Variants in IRAK2 observed in about 807,000 individuals in gnomAD.
IRAK2 encodes interleukin-1 receptor-associated kinase-like 2.
Under a neutral mutation model 72.0 loss-of-function variants are expected in IRAK2, and 57 were observed. The observed-to-expected ratio is 0.79, with a 90% CI of 0.64 to 0.99. IRAK2 has a LOEUF of 0.99. Ranked by LOEUF, IRAK2 falls within the 50% of genes least tolerant of loss-of-function variation. The pLI, the probability that IRAK2 is intolerant of heterozygous loss-of-function variation, is 0.00. For synonymous variants in IRAK2, 293 were observed against 312.7 expected, an observed-to-expected ratio of 0.94 and a Z score of 0.67; for missense variants, 790 against 794.4, an observed-to-expected ratio of 0.99 and a Z score of 0.07.
chr3:10,216,838 G>A (rs1299454966), intron 6 of IRAK2, 96 bp from the exon 7 acceptor site: 12 of 892,952 alleles, frequency 1.3e-5, no homozygotes, highest in East Asian at 4.9e-5. Flanking sequence ...TATTGGTGGC[G>A]TTGGAGGAGG....
At chr3:10,166,604 A>C (rs947420663) in intron 1 of IRAK2, among the ~76,000 whole-genome samples, 16 of 147,472 alleles carry the variant, frequency 1.1e-4, no homozygotes, top group Non-Finnish European at 4.5e-5. Flanking sequence ...ACTGACACCT[A>C]AGTGTTAAAT....
At chr3:10,227,707 C>T (rs1697801704) in intron 10 of IRAK2, among the ~76,000 whole-genome samples, 1 of 147,276 alleles carries the variant, frequency 6.8e-6, no homozygotes, top group Non-Finnish European at 1.5e-5. Context: ...CTTGCTCTGT[C>T]GCCCAGGCTG....
At chr3:10,178,255 T>G (rs771752975) in intron 2 of IRAK2, among the ~76,000 whole-genome samples, 21 of 152,094 alleles carry the variant, frequency 1.4e-4, no homozygotes, top group Non-Finnish European at 2.6e-4. Flanking sequence ...GTCAGGAGTT[T>G]GAGACTGGCC....
In IRAK2 at chr3:10,238,914, C is replaced by A; in HGVS notation, c.1640C>A (p.Pro547His). 6.2e-7 allele frequency: 1 copy of A among 1,614,116 alleles called. No individual in the cohort carries two copies. Among genetic ancestry groups the A allele is most frequent in the Non-Finnish European group, 8.5e-7 (1 of 1,180,016 alleles). The change falls in exon 12 of 13, where the codon CCC (proline) becomes CAC (histidine). Residue 547 changes from proline to histidine, a missense_variant. Pro to His is a moderately conservative substitution (Grantham distance 77). Transcript: ENST00000256458. ...LDASSSMSVA[P>H]WAGAATPLLP... ...GCCTCCTCCTCCATGAGTGTGGCACCCTGGGCAGGGGCTGCCACCCCACTT... is the reference window on the plus strand; with the variant it reads ...GCCTCCTCCTCCATGAGTGTGGCACACTGGGCAGGGGCTGCCACCCCACTT...
chr3:10,238,843 C>T lies in IRAK2; in HGVS notation c.1569C>T (p.Ser523=), dbSNP rs1243678878. The T allele has an allele frequency of 6.2e-7, 1 of 1,613,974 alleles. No individual in the cohort carries two copies. Among genetic ancestry groups the T allele is most frequent in the East Asian group, 2.2e-5 (1 of 44,868 alleles). ...TTTCTGAGGGTACAGGCTCTTCTTC[C>T]AACACCCCAGAGGAAACAGACGACG... ...SGLSEGTGSS[S]NTPEETDDVD... Residue 523 remains serine (S), a synonymous_variant, in exon 12 of 13, where the codon TCC becomes TCT. Coordinates refer to ENST00000256458, the MANE Select transcript of IRAK2 (RefSeq NM_001570.4).
chr3:10,232,459 G>A (rs1032424645), intron 10 of IRAK2, among the ~76,000 whole-genome samples: 2 of 152,160 alleles, frequency 1.3e-5, no homozygotes, highest in East Asian at 1.9e-4. Flanking sequence ...TGCTAAGACC[G>A]ATCAGTGTGT....
intron 1 of IRAK2, among the ~76,000 whole-genome samples, chr3:10,171,105 C>G (rs73811839): frequency 6.6e-6 from 1 of 152,178 alleles, no homozygotes; most frequent in Non-Finnish European, 1.5e-5. Flanking sequence ...TTCTTGTCTC[C>G]GTGATGGCAG....
chr3:10,169,534 A>G (rs1400636238), intron 1 of IRAK2, among the ~76,000 whole-genome samples: 1 of 152,188 alleles, frequency 6.6e-6, no homozygotes, highest in Non-Finnish European at 1.5e-5. Context: ...ACGTCCATCT[A>G]TAGGCTCTCT....
intron 7 of IRAK2, 58 bp from the exon 8 acceptor site, chr3:10,219,622 T>C (rs1575982015): frequency 1.5e-6 from 2 of 1,352,584 alleles, no homozygotes; most frequent in South Asian, 1.2e-5. Flanking sequence ...CTGGCTGCCA[T>C]CAGGACTTTA....
Position 10,226,443 on chromosome 3 carries a change from C to G in IRAK2, c.1272+10C>G. ...AAGCCCGGTTTACCTGGTAAGGGAA[C>G]TTGTCACATCTGGCTGGGAGGTATA... is the stretch of plus-strand genomic sequence containing the variant. On this transcript the variant is annotated intron_variant, in intron 10 of 12. Coordinates refer to ENST00000256458, the MANE Select transcript of IRAK2 (RefSeq NM_001570.4). 6.2e-7 allele frequency: 1 copy of G among 1,610,840 alleles called. No homozygotes were observed. The highest frequency in any genetic ancestry group is 8.5e-7 in the Non-Finnish European group (1 of 1,178,032).
chr3:10,223,944 C>T (rs1697732696), intron 9 of IRAK2, among the ~76,000 whole-genome samples: 2 of 152,204 alleles, frequency 1.3e-5, no homozygotes, highest in African/African-American at 4.8e-5. Context: ...GATTCTGCAC[C>T]TCCGTGTCTC....
chr3:10,226,629 G>C (rs1697780870), intron 10 of IRAK2, among the ~76,000 whole-genome samples, 196 bp downstream of exon 10: 1 of 152,026 alleles, frequency 6.6e-6, no homozygotes, highest in Admixed American at 6.6e-5. Context: ...CATGATAATA[G>C]CATCTGGGGC....
chr3:10,181,874 C>G (rs529666261), intron 2 of IRAK2, among the ~76,000 whole-genome samples: 2 of 152,300 alleles, frequency 1.3e-5, no homozygotes, highest in South Asian at 4.1e-4. Context: ...TGAAAAACCT[C>G]CCTGGATACA....
chr3:10,221,120 C>T (rs560240884), intron 8 of IRAK2, among the ~76,000 whole-genome samples: 7 of 151,210 alleles, frequency 4.6e-5, no homozygotes, highest in African/African-American at 1.2e-4. Context: ...TGGCCGGGCG[C>T]GGTGGCTCAC....
At chr3:10,201,741 G>A (rs1001236566) in intron 3 of IRAK2, among the ~76,000 whole-genome samples, 1 of 152,158 alleles carries the variant, frequency 6.6e-6, no homozygotes, top group African/African-American at 2.4e-5. Context: ...CTCACCCCTG[G>A]AGCCCTGCCT....
chr3:10,232,541 C>T (rs1237646678), intron 10 of IRAK2, among the ~76,000 whole-genome samples: 4 of 152,126 alleles, frequency 2.6e-5, no homozygotes, highest in South Asian at 2.1e-4. Context: ...GAAGTTCCCT[C>T]GACATCCTTT....
intron 10 of IRAK2, among the ~76,000 whole-genome samples, chr3:10,230,693 C>G (rs1284830623): frequency 1.3e-5 from 2 of 152,134 alleles, no homozygotes; most frequent in African/African-American, 4.8e-5. Flanking sequence ...TTTAGCCTCC[C>G]AAGTAATTGG....
intron 12 of IRAK2, 55 bp from the exon 13 acceptor site, chr3:10,242,061 T>C: frequency 3.0e-6 from 3 of 990,704 alleles, no homozygotes; most frequent in East Asian, 2.4e-5. Context: ...TTAAGAATTA[T>C]AATAATAGTA....
At chr3:10,205,476 G>A (rs535341482) in intron 3 of IRAK2, among the ~76,000 whole-genome samples, 1 of 152,320 alleles carries the variant, frequency 6.6e-6, no homozygotes, top group Non-Finnish European at 1.5e-5. Context: ...GCCTGGGGGA[G>A]CCTCCTGAGC....
Sources: gnomAD v4.1 joint callset for allele counts (sites outside exome capture counted in the v4.1 genomes callset) on GRCh38, gnomAD v4.1.1 for gene constraint, MANE v1.5 for transcripts, NCBI Gene and HGNC (gene_info 2026-07-23, HGNC 2026-07-21) for gene names.